Variants in SFMBT1 observed in about 807,000 individuals in gnomAD.
SFMBT1 encodes the protein Scm like with four mbt domains 1.
A neutral mutation model predicts 108.7 loss-of-function variants in SFMBT1; 32 were observed. That is an observed-to-expected ratio of 0.29 (90% CI 0.22 to 0.40). SFMBT1 has a LOEUF of 0.40. Among genes scored for constraint, SFMBT1 ranks in the 10% least tolerant of loss-of-function variants. The pLI is 1.00. For missense variants in SFMBT1, 816 were observed against 1,059.6 expected, an observed-to-expected ratio of 0.77 and a Z score of 3.19; for synonymous variants, 348 against 369.5, an observed-to-expected ratio of 0.94 and a Z score of 0.67.
intron 4 of SFMBT1, among the ~76,000 whole-genome samples, chr3:52,942,550 T>C (rs942077477): frequency 1.3e-5 from 2 of 152,238 alleles, no homozygotes; most frequent in African/African-American, 2.4e-5. Context: ...TCTCACTCTG[T>C]CACCCAGGCT....
intron 1 of SFMBT1, among the ~76,000 whole-genome samples, chr3:52,999,613 T>C (rs767307180): frequency 3.3e-5 from 5 of 150,172 alleles, no homozygotes; most frequent in Non-Finnish European, 7.5e-5. Context: ...TTCGTGTCCT[T>C]GCCCCTAACC....
chr3:52,911,263 A>T lies in SFMBT1; in HGVS notation c.1731-85T>A, dbSNP rs930460669. The T allele has an allele frequency of 1.7e-5, 23 of 1,386,502 alleles. No individual in the cohort carries two copies. In the African/African-American group the frequency reaches 2.8e-4, roughly 17 times the overall value. The allele number at this position is 1,386,502 out of a possible 1,614,324, so 85.9% of individuals were successfully genotyped here. On this transcript the variant is annotated intron_variant, in intron 16 of 20. Transcript: ENST00000394752. ...TCAAACATATTAATACACCTAAAAAATATTTTTGCTTCTTGGAATATTCTA... is the reference window on the plus strand; with the variant it reads ...TCAAACATATTAATACACCTAAAAATTATTTTTGCTTCTTGGAATATTCTA...
At chr3:52,953,716 A>AT (rs1703672723) in intron 3 of SFMBT1, among the ~76,000 whole-genome samples, 2 of 152,190 alleles carry the variant, frequency 1.3e-5, no homozygotes, top group African/African-American at 2.4e-5. Flanking sequence ...AAGTACAATA[A>AT]TTTTTTTCAA....
chr3:52,923,395 G>A (rs1291931450), intron 10 of SFMBT1, among the ~76,000 whole-genome samples: 3 of 151,916 alleles, frequency 2.0e-5, no homozygotes, highest in Non-Finnish European at 2.9e-5. Flanking sequence ...GTGAAACCCT[G>A]TCCCTACTAA....
chr3:53,045,571 C>T (rs1252053301), intron 1 of SFMBT1, among the ~76,000 whole-genome samples: 2 of 142,678 alleles, frequency 1.4e-5, no homozygotes, highest in Non-Finnish European at 3.1e-5. Flanking sequence ...GGCCGGCCGG[C>T]GCGCGGGACC....
rs1342815320 is a variant in SFMBT1, at chr3:53,045,348, C to T, written c.-131+468G>A. ...GGAGCGAGCCCGGGGGGCGGGTCCG[C>T]GGGGGCTCGGCGGGCGGAGCGCGGG... On this transcript the variant is annotated intron_variant, in intron 1 of 20. Coordinates refer to ENST00000394752, the MANE Select transcript of SFMBT1 (RefSeq NM_016329.4). The T allele has an allele frequency of 2.1e-5, 3 of 139,806 alleles. No individual in the cohort carries two copies. In the East Asian group the frequency reaches 7.1e-4, roughly 33 times the overall value. 8.7% of individuals were successfully genotyped at this position (139,806 alleles called of 1,614,324 possible).
rs1166742690 is a variant in SFMBT1, at chr3:53,028,742, G to C, written c.-131+17074C>G. Among the ~76,000 whole-genome samples, 4 of 152,142 alleles carry C rather than the reference G, an allele frequency of 2.6e-5. No individual in the cohort carries two copies. In the South Asian group the frequency reaches 8.3e-4, roughly 32 times the overall value. On this transcript the variant is annotated intron_variant, in intron 1 of 20. Transcript: ENST00000394752. ...AAATGGCAGAAAGAAGGCCATAGCA[G>C]AGCAAACACAACTCAGAAACGCCCA... is the stretch of plus-strand genomic sequence containing the variant.
intron 1 of SFMBT1, among the ~76,000 whole-genome samples, chr3:53,026,637 G>C (rs190931020): frequency 6.6e-6 from 1 of 152,264 alleles, no homozygotes; most frequent in East Asian, 1.9e-4. Flanking sequence ...TTACAGGTAG[G>C]TCCCTGTGGG....
intron 2 of SFMBT1, among the ~76,000 whole-genome samples, chr3:52,966,392 G>A (rs1401179865): frequency 2.0e-5 from 3 of 150,956 alleles, no homozygotes; most frequent in East Asian, 2.0e-4. Flanking sequence ...TTGGGAGGCC[G>A]AGACAGGTGG....
At chr3:53,005,311 T>A (rs1040071818) in intron 1 of SFMBT1, among the ~76,000 whole-genome samples, 2 of 152,100 alleles carry the variant, frequency 1.3e-5, no homozygotes, top group Admixed American at 1.3e-4. Context: ...GCCATGTGGG[T>A]TTTTTTGTTT....
intron 1 of SFMBT1, among the ~76,000 whole-genome samples, chr3:53,007,527 A>C (rs1698789901): frequency 6.6e-6 from 1 of 152,248 alleles, no homozygotes; most frequent in South Asian, 2.1e-4. Context: ...GAAAACAAGA[A>C]AATGCTCCAA....
chr3:52,908,679 C>T (rs1473163085), intron 17 of SFMBT1, among the ~76,000 whole-genome samples: 3 of 152,176 alleles, frequency 2.0e-5, no homozygotes, highest in Non-Finnish European at 4.4e-5. Flanking sequence ...TGTGATTCTC[C>T]TGCCTCAGCC....
intron 3 of SFMBT1, among the ~76,000 whole-genome samples, chr3:52,945,398 C>T (rs1438252257): frequency 6.6e-6 from 1 of 151,542 alleles, no homozygotes; most frequent in South Asian, 2.1e-4. Context: ...TGAGTCCACA[C>T]TGATATAAAT....
At position 52,928,111 on chromosome 3, in the gene SFMBT1, G is replaced by C. The variant is rs565691600; in HGVS notation, c.1048+80C>G. On this transcript the variant is annotated intron_variant, in intron 9 of 20. Coordinates refer to ENST00000394752, the MANE Select transcript of SFMBT1 (RefSeq NM_016329.4). The stretch of plus-strand genomic sequence containing the variant: ...CTAGGGCAGGAGGAGAGGGACAAAA[G>C]ATTTCAGCAATGCCATCTGACATGT... The C allele has an allele frequency of 1.9e-6, 3 of 1,541,144 alleles. No homozygotes were observed. The South Asian group carries it at 3.7e-5, about 19-fold the overall frequency.
chr3:52,955,622 T>C (rs1036223601), intron 2 of SFMBT1, among the ~76,000 whole-genome samples: 1 of 152,144 alleles, frequency 6.6e-6, no homozygotes, highest in East Asian at 1.9e-4. Context: ...GATAAATTCC[T>C]GGACACATAC....
intron 1 of SFMBT1, among the ~76,000 whole-genome samples, chr3:52,996,180 C>A (rs1014348484): frequency 7.2e-6 from 1 of 139,590 alleles, no homozygotes. Flanking sequence ...GGATTTATAT[C>A]AAAAAGCTCT....
chr3:53,031,237 C>G (rs556206102), intron 1 of SFMBT1, among the ~76,000 whole-genome samples: 1 of 152,304 alleles, frequency 6.6e-6, no homozygotes, highest in Non-Finnish European at 1.5e-5. Context: ...CATGCACCTG[C>G]GAATAACAAC....
intron 1 of SFMBT1, among the ~76,000 whole-genome samples, chr3:52,995,427 C>T (rs1240676056): frequency 4.0e-5 from 6 of 150,300 alleles, no homozygotes; most frequent in East Asian, 1.9e-4. Flanking sequence ...CTTGCTCTGT[C>T]GCCAAGTTTG....
At chr3:52,973,624 C>T (rs948505919) in intron 1 of SFMBT1, among the ~76,000 whole-genome samples, 3 of 152,012 alleles carry the variant, frequency 2.0e-5, no homozygotes, top group African/African-American at 7.2e-5. Flanking sequence ...CAAAATTTTC[C>T]CCTCCCATCT....
Sources: gnomAD v4.1 joint callset for allele counts (sites outside exome capture counted in the v4.1 genomes callset) on GRCh38, gnomAD v4.1.1 for gene constraint, MANE v1.5 for transcripts, NCBI Gene and HGNC (gene_info 2026-07-23, HGNC 2026-07-21) for gene names.